Variants in IREB2 observed in about 807,000 individuals in gnomAD.
IREB2 encodes iron responsive element binding protein 2.
In IREB2, 39 loss-of-function variants were observed where a neutral mutation model predicts 118.8. That is an observed-to-expected ratio of 0.33 (90% CI 0.25 to 0.43). IREB2 has a LOEUF of 0.43. IREB2 is among the 20% of genes least tolerant of loss of function. The probability of loss-of-function intolerance (pLI) is 1.00; values close to 1 mark genes in which losing one functional copy is unlikely to be tolerated. For synonymous variants in IREB2, 372 were observed against 392.2 expected, an observed-to-expected ratio of 0.95 and a Z score of 0.61; for missense variants, 900 against 1,147.3, an observed-to-expected ratio of 0.78 and a Z score of 3.11.
chr15:78,481,522 A>ATTTTTTTTTT (rs145058390), intron 10 of IREB2, among the ~76,000 whole-genome samples: 1 of 137,984 alleles, frequency 7.2e-6, no homozygotes, highest in Non-Finnish European at 1.5e-5. Context: ...CACCTCGCTA[A>ATTTTTTTTTT]TTTTTTTTTT....
intron 3 of IREB2, among the ~76,000 whole-genome samples, chr15:78,463,639 T>G (rs1285138264): frequency 6.6e-6 from 1 of 152,222 alleles, no homozygotes; most frequent in African/African-American, 2.4e-5. Context: ...TTTAACTACC[T>G]TCTTATGATC....
At chr15:78,451,033 C>T (rs910986726) in intron 2 of IREB2, among the ~76,000 whole-genome samples, 27 of 151,946 alleles carry the variant, frequency 1.8e-4, no homozygotes, top group Non-Finnish European at 2.9e-5. Flanking sequence ...GGCTCAATCT[C>T]GGCTCACTGC....
intron 7 of IREB2, among the ~76,000 whole-genome samples, chr15:78,472,951 A>T (rs902364154): frequency 5.9e-5 from 9 of 152,220 alleles, no homozygotes; most frequent in African/African-American, 2.2e-4. Context: ...TGTATCTTGA[A>T]TACAGTGCAG....
intron 20 of IREB2, among the ~76,000 whole-genome samples, chr15:78,495,499 T>A (rs2051825646): frequency 6.6e-6 from 1 of 152,136 alleles, no homozygotes; most frequent in Non-Finnish European, 1.5e-5. Context: ...AGCTACCTTT[T>A]TCATTAAGCG....
rs1427063711 is a variant in IREB2 at position 78,494,268 on chromosome 15, T to C, written c.2595+4T>C. On this transcript the variant is annotated splice_donor_region_variant and intron_variant, in intron 20 of 21. Coordinates refer to ENST00000258886, the MANE Select transcript of IREB2 (RefSeq NM_004136.4). The stretch of plus-strand genomic sequence containing the variant: ...TGCCAAAGGACCGTATTTACTGGTA[T>C]TGAATCTTAAAATTTATCATCTTAA... 4 of 1,608,586 alleles carry C rather than the reference T, an allele frequency of 2.5e-6. No individual in the cohort carries two copies. Among genetic ancestry groups the C allele is most frequent in the Non-Finnish European group, 2.5e-6 (3 of 1,178,702 alleles).
At chr15:78,475,362 A>G (rs1171852209) in intron 8 of IREB2, 1 of 152,208 alleles carries the variant, frequency 6.6e-6, no homozygotes, top group Non-Finnish European at 1.5e-5. Context: ...TTGAAACCAC[A>G]TGTTAACAAA....
At chr15:78,441,240 A>C (rs1048674321) in intron 2 of IREB2, among the ~76,000 whole-genome samples, 3 of 144,820 alleles carry the variant, frequency 2.1e-5, no homozygotes, top group Non-Finnish European at 3.1e-5. Context: ...TTAAAAATAA[A>C]CAGTTTGCCA....
intron 3 of IREB2, among the ~76,000 whole-genome samples, chr15:78,464,079 A>G (rs1416094053): frequency 6.6e-6 from 1 of 152,192 alleles, no homozygotes; most frequent in Non-Finnish European, 1.5e-5. Context: ...TATCACTGTC[A>G]TTGTGGTTCT....
At chr15:78,447,475 T>C (rs944383726) in intron 2 of IREB2, among the ~76,000 whole-genome samples, 8 of 151,856 alleles carry the variant, frequency 5.3e-5, no homozygotes. Flanking sequence ...GGATTACAGG[T>C]GCGTGCCACC....
chr15:78,472,043 T>C, intron 7 of IREB2, 119 bp downstream of exon 7: 2 of 671,734 alleles, frequency 3.0e-6, no homozygotes, highest in Non-Finnish European at 4.7e-6. Context: ...TTTTCATCTG[T>C]AATAACAGCA....
intron 2 of IREB2, 37 bp downstream of exon 2, chr15:78,439,918 C>A: frequency 2.4e-6 from 3 of 1,254,236 alleles, no homozygotes; most frequent in South Asian, 1.3e-5. Flanking sequence ...TTTGTTTAGT[C>A]TCTAATAATG....
At chr15:78,444,041 G>A (rs1378700238) in intron 2 of IREB2, among the ~76,000 whole-genome samples, 1 of 151,848 alleles carries the variant, frequency 6.6e-6, no homozygotes, top group Non-Finnish European at 1.5e-5. Context: ...GTCTCAAAAT[G>A]TAGATTTTGA....
intron 2 of IREB2, among the ~76,000 whole-genome samples, chr15:78,441,385 G>A (rs527448182): frequency 6.6e-6 from 1 of 152,282 alleles, no homozygotes; most frequent in East Asian, 1.9e-4. Flanking sequence ...TGGTGAGTTT[G>A]CATTAATTTT....
upstream of IREB2, chr15:78,438,214 G>A: frequency 2.7e-6 from 2 of 753,328 alleles, no homozygotes; most frequent in East Asian, 2.7e-5. Context: ...CGATATTTGC[G>A]CGAGCCTGCT....
intron 11 of IREB2, among the ~76,000 whole-genome samples, chr15:78,484,187 TTTC>T (rs1471441482): frequency 6.6e-6 from 1 of 152,164 alleles, no homozygotes; most frequent in Non-Finnish European, 1.5e-5. Flanking sequence ...GTCTTGTCAC[TTTC>T]TCTATTCTGA....
chr15:78,497,912 G>A (rs2051864845), intron 21 of IREB2, 121 bp from the exon 22 acceptor site: 8 of 588,836 alleles, frequency 1.4e-5, no homozygotes, highest in South Asian at 9.3e-5. Flanking sequence ...TTAGAACCAA[G>A]ATAAATCAGA....
At position 78,494,145 on chromosome 15, in the gene IREB2, G is replaced by A. The variant is rs374612749; in HGVS notation, c.2476G>A (p.Asp826Asn). 1 of 1,613,522 alleles carries A rather than the reference G, an allele frequency of 6.2e-7. No individual in the cohort carries two copies. Among genetic ancestry groups the A allele is most frequent in the Non-Finnish European group, 8.5e-7 (1 of 1,179,848 alleles). Residue 826 changes from aspartate (D) to asparagine (N), a missense_variant, in exon 20 of 22, where the codon GAT becomes AAT. Physicochemically the swap from Asp to Asn is conservative, Grantham distance 23. Coordinates refer to ENST00000258886, the MANE Select transcript of IREB2 (RefSeq NM_004136.4). ...TTGTGTTTGTTTTAATCTACAGCTA[G>A]ATGTATTTGAGGCTGCAGAGCTGTA... Reference protein sequence around the residue: ...TIHFPSGQTLDVFEAAELYQK... With the variant: ...TIHFPSGQTLNVFEAAELYQK...
intron 18 of IREB2, among the ~76,000 whole-genome samples, chr15:78,493,007 C>T (rs1422004460): frequency 1.3e-5 from 2 of 152,164 alleles, no homozygotes; most frequent in African/African-American, 4.8e-5. Flanking sequence ...AGTTGGCTAT[C>T]TTGTGCCTCC....
chr15:78,490,419 C>T lies in IREB2; in HGVS notation c.2077-3C>T, dbSNP rs777491219. ...GGTTCATCAACGAAAACTGTATTCA[C>T]AGATGGGGAATAAACGGTGGAATTC... On this transcript the variant is annotated splice_region_variant and splice_polypyrimidine_tract_variant and intron_variant, in intron 16 of 21. Coordinates refer to ENST00000258886, the MANE Select transcript of IREB2 (RefSeq NM_004136.4). The T allele has an allele frequency of 6.3e-7, 1 of 1,579,624 alleles. No individual in the cohort carries two copies.
Sources: allele counts gnomAD v4.1 joint callset (sites outside exome capture counted in the v4.1 genomes callset), GRCh38; gene constraint gnomAD v4.1.1; transcripts MANE v1.5; gene names NCBI Gene and HGNC (gene_info 2026-07-23, HGNC 2026-07-21).